The following SPAG9 variants were observed in gnomAD, a reference collection of about 807,000 sequenced individuals.
SPAG9 encodes sperm associated antigen 9.
Under a neutral mutation model 166.5 loss-of-function variants are expected in SPAG9, and 35 were observed. The ratio of observed to expected loss-of-function variants is 0.21; its 90% CI spans 0.16 to 0.28. The LOEUF is 0.28. Among genes scored for constraint, SPAG9 ranks in the 10% least tolerant of loss-of-function variants. SPAG9 has a pLI of 1.00. For missense variants in SPAG9, 1,235 were observed against 1,603.3 expected (o/e 0.77, Z 3.92); for synonymous variants, 534 against 565.5 (o/e 0.94, Z 0.79).
At chr17:51,001,948 T>G in intron 12 of SPAG9, 103 bp from the exon 13 acceptor site, 1 of 1,044,328 alleles carries the variant, frequency 9.6e-7, no homozygotes, top group South Asian at 1.5e-5. Context: ...CATTCCTTAA[T>G]TTTTAATCTA....
At chr17:50,970,925 TAA>T in intron 28 of SPAG9, 69 bp from the exon 29 acceptor site, 1 of 1,334,162 alleles carries the variant, frequency 7.5e-7, no homozygotes, top group Non-Finnish European at 1.0e-6. Context: ...TTTTTTTTTT[TAA>T]GTATTTTTAG....
intron 19 of SPAG9, among the ~76,000 whole-genome samples, chr17:50,992,404 A>C (rs889188677): frequency 6.6e-6 from 1 of 152,138 alleles, no homozygotes; most frequent in Non-Finnish European, 1.5e-5. Flanking sequence ...AAATTTGTTA[A>C]GAGGGCTGGG....
At chr17:51,112,238 G>A (rs912517420) in intron 1 of SPAG9, among the ~76,000 whole-genome samples, 8 of 151,766 alleles carry the variant, frequency 5.3e-5, no homozygotes, top group African/African-American at 1.5e-4. Flanking sequence ...AACATTATTC[G>A]AATCGTTAAC....
rs74345796 is a variant in SPAG9, at chr17:51,021,767, T to C, written c.784-402A>G. ...AAACAGAAGTAGAATAACCAAATTC[T>C]TAACCTCGGGTATCTTTGTAAAGTG... is the stretch of plus-strand genomic sequence containing the variant. On this transcript the variant is annotated intron_variant, in intron 6 of 29. Coordinates refer to ENST00000262013, the MANE Select transcript of SPAG9 (RefSeq NM_001130528.3). Among the ~76,000 whole-genome samples, 182 of 152,298 alleles carry C rather than the reference T, an allele frequency of 1.2e-3. No homozygotes were observed. In the East Asian group the frequency reaches 0.028, roughly 23 times the overall value.
Position 51,061,612 on chromosome 17 carries a change from CAAAAAAAAA to C in SPAG9, c.425-5139_425-5131del, listed in dbSNP as rs34010166. 2.8e-4 allele frequency among the ~76,000 whole-genome samples: 9 copies of C among 31,728 alleles called. 1 individual carries two copies. Among genetic ancestry groups the C allele is most frequent in the Admixed American group, 5.4e-4 (1 of 1,864 alleles). 20.8% of individuals were successfully genotyped at this position (31,728 alleles called of 152,430 possible). A position where few individuals can be genotyped will look rare whatever the true frequency, so the allele number is the denominator to read the frequency against. ...GCAACAAGAGCGAAAGCTCTGTCTC[CAAAAAAAAA>C]AAAAAAAAAAAAAAAAGGCTTGTGG... On this transcript the variant is annotated intron_variant, in intron 2 of 29. Coordinates refer to ENST00000262013, the MANE Select transcript of SPAG9 (RefSeq NM_001130528.3).
chr17:50,981,545 GAATA>G (rs2143720468), intron 25 of SPAG9, among the ~76,000 whole-genome samples: 1 of 151,640 alleles, frequency 6.6e-6, no homozygotes, highest in African/African-American at 2.4e-5. Context: ...AAGAAAGAAA[GAATA>G]GATAGATAGA....
At position 51,026,896 on chromosome 17, in the gene SPAG9, G is replaced by A. The variant is rs183791816; in HGVS notation, c.783+4785C>T. 2.8e-3 allele frequency among the ~76,000 whole-genome samples: 422 copies of A among 151,742 alleles called. 1 individual carries two copies. Among genetic ancestry groups the A allele is most frequent in the African/African-American group, 9.1e-3 (377 of 41,384 alleles). On this transcript the variant is annotated intron_variant, in intron 6 of 29. Transcript: ENST00000262013. ...TCTCCATGTTGGTCAGGCTGGTCTC[G>A]AACTCCTGACCTCAGGTGATCCGCC... is the stretch of plus-strand genomic sequence containing the variant.
At chr17:51,000,344 A>G (rs2143946846) in intron 13 of SPAG9, among the ~76,000 whole-genome samples, 1 of 152,288 alleles carries the variant, frequency 6.6e-6, no homozygotes, top group Admixed American at 6.5e-5. Context: ...CTAAATTAAA[A>G]ACATTCTTTA....
At chr17:51,063,049 T>G (rs1274776022) in intron 2 of SPAG9, among the ~76,000 whole-genome samples, 1 of 152,204 alleles carries the variant, frequency 6.6e-6, no homozygotes. Flanking sequence ...ACACACAAAA[T>G]TTCATGTTTT....
intron 28 of SPAG9, 62 bp from the exon 29 acceptor site, chr17:50,970,918 T>C (rs542595689): frequency 1.1e-5 from 16 of 1,447,784 alleles, no homozygotes; most frequent in Middle Eastern, 1.9e-4. Context: ...GTTTTGTTTT[T>C]TTTTTTTAAG....
chr17:51,041,657 T>G lies in SPAG9; in HGVS notation c.591-6A>C. 6.2e-7 allele frequency: 1 copy of G among 1,608,378 alleles called. No individual in the cohort carries two copies. The highest frequency in any genetic ancestry group is 8.5e-7 in the Non-Finnish European group (1 of 1,178,338). On this transcript the variant is annotated splice_region_variant and splice_polypyrimidine_tract_variant and intron_variant, in intron 4 of 29. Coordinates refer to ENST00000262013, the MANE Select transcript of SPAG9 (RefSeq NM_001130528.3). ...ATGATATAGGGCGTTCTTTTCTATT[T>G]GAAGAGGGGAGAAAAAATTCGGCAT...
intron 11 of SPAG9, 63 bp downstream of exon 11, chr17:51,006,022 C>G (rs968500078): frequency 1.3e-6 from 2 of 1,544,886 alleles, no homozygotes; most frequent in African/African-American, 1.4e-5. Flanking sequence ...AGGGTTACAT[C>G]TGTAACCCTT....
At chr17:50,992,834 C>T (rs981273756) in intron 19 of SPAG9, among the ~76,000 whole-genome samples, 1 of 152,036 alleles carries the variant, frequency 6.6e-6, no homozygotes, top group African/African-American at 2.4e-5. Context: ...TGGTGGGTCA[C>T]ACCTGTAATC....
intron 1 of SPAG9, among the ~76,000 whole-genome samples, chr17:51,085,808 T>C (rs1056793823): frequency 2.6e-5 from 4 of 152,140 alleles, no homozygotes; most frequent in East Asian, 3.8e-4. Flanking sequence ...ACAGATCTTA[T>C]ACCCAGAAAG....
chr17:51,090,879 A>C (rs1197229285), intron 1 of SPAG9, among the ~76,000 whole-genome samples: 1 of 152,202 alleles, frequency 6.6e-6, no homozygotes, highest in Non-Finnish European at 1.5e-5. Context: ...TAACATTTCA[A>C]ACTCTGAATA....
chr17:51,096,091 A>AT (rs1283795292), intron 1 of SPAG9, among the ~76,000 whole-genome samples: 2 of 147,654 alleles, frequency 1.4e-5, no homozygotes, highest in African/African-American at 2.5e-5. Context: ...CACACCTGTA[A>AT]TCCCAGAACT....
intron 6 of SPAG9, chr17:51,023,467 T>C: frequency 6.0e-6 from 1 of 166,190 alleles, no homozygotes; most frequent in Non-Finnish European, 1.3e-5. Flanking sequence ...ATAGAAGTAA[T>C]TTAAAAGAAA....
chr17:50,970,917 T>TG lies in SPAG9; in HGVS notation c.3701-62_3701-61insC, dbSNP rs1020384036. ...TCACAGAAGGGAGGCTGTTTTGTTTTTTTTTTTTAAGTATTTTTAGAGTTA... is the reference window on the plus strand; with the variant it reads ...TCACAGAAGGGAGGCTGTTTTGTTTTGTTTTTTTTAAGTATTTTTAGAGTTA... On this transcript the variant is annotated intron_variant, in intron 28 of 29. Coordinates refer to ENST00000262013, the MANE Select transcript of SPAG9 (RefSeq NM_001130528.3). 3 of 1,450,882 alleles carry TG rather than the reference T, an allele frequency of 2.1e-6. No homozygotes were observed. The African/African-American group carries it at 4.3e-5, about 21-fold the overall frequency. 89.9% of individuals were successfully genotyped at this position (1,450,882 alleles called of 1,614,324 possible).
At chr17:51,015,072 A>G (rs1394009275) in intron 8 of SPAG9, among the ~76,000 whole-genome samples, 1 of 152,192 alleles carries the variant, frequency 6.6e-6, no homozygotes, top group Non-Finnish European at 1.5e-5. Context: ...TTAAGAAATT[A>G]AAAAGGTATA....
Sources: gnomAD v4.1 joint callset for allele counts (sites outside exome capture counted in the v4.1 genomes callset) on GRCh38, gnomAD v4.1.1 for gene constraint, MANE v1.5 for transcripts, NCBI Gene and HGNC (gene_info 2026-07-23, HGNC 2026-07-21) for gene names.